NEXMIF: variants seen among roughly 807,000 people sequenced by gnomAD.
NEXMIF encodes neurite extension and migration factor.
Under a neutral mutation model 62.1 loss-of-function variants are expected in NEXMIF, and 8 were observed. That is an observed-to-expected ratio of 0.13 (90% CI 0.08 to 0.23). The LOEUF (loss-of-function observed/expected upper bound fraction) is 0.23. NEXMIF is among the 10% of genes least tolerant of loss of function. The pLI, the probability that NEXMIF is intolerant of heterozygous loss-of-function variation, is 1.00. For missense variants in NEXMIF, 976 were observed against 1,113.3 expected, an observed-to-expected ratio of 0.88 and a Z score of 1.75; for synonymous variants, 404 against 416.6, an observed-to-expected ratio of 0.97 and a Z score of 0.37.
chrX:74,901,812 G>A (rs1279239767), intron 1 of NEXMIF, among the ~76,000 whole-genome samples: 1 of 111,278 alleles, frequency 9.0e-6, no homozygotes, highest in Non-Finnish European at 1.9e-5. Context: ...TAAATGGAGA[G>A]AGCTCCTTTA....
intron 3 of NEXMIF, 146 bp downstream of exon 3, chrX:74,739,954 C>A (rs1026582838): frequency 5.8e-6 from 3 of 514,910 alleles, no homozygotes; most frequent in East Asian, 3.6e-5. Flanking sequence ...TTAAAATTTT[C>A]TTTTTACTTT....
In NEXMIF at chrX:74,925,240, G is replaced by C. The variant is rs777713215; in HGVS notation, c.-405C>G. 1 of 117,978 alleles carries C rather than the reference G, an allele frequency of 8.5e-6. No individual in the cohort carries two copies. Among genetic ancestry groups the C allele is most frequent in the Non-Finnish European group, 1.8e-5 (1 of 56,391 alleles). The allele number at this position is 117,978 out of a possible 1,213,427, so 9.7% of individuals were successfully genotyped here. ...TACACTGTCGCTCGCCCCGGCTGGAGCTACCTAGCGAGCGGGCTGCGCGCT... is the reference window on the plus strand; with the variant it reads ...TACACTGTCGCTCGCCCCGGCTGGACCTACCTAGCGAGCGGGCTGCGCGCT... On this transcript the variant is annotated 5_prime_UTR_variant, in exon 1 of 4. Transcript: ENST00000055682.
chrX:74,867,627 ATATGCTGAAGAT>A (rs770559971), intron 1 of NEXMIF, among the ~76,000 whole-genome samples: 1 of 112,441 alleles, frequency 8.9e-6, no homozygotes, highest in South Asian at 3.7e-4. Flanking sequence ...CATATACAAA[ATATGCTGAAGAT>A]GGACTAAAGA....
chrX:74,875,570 T>C (rs2080627645), intron 1 of NEXMIF, among the ~76,000 whole-genome samples: 2 of 112,075 alleles, frequency 1.8e-5, no homozygotes, highest in African/African-American at 6.5e-5. Context: ...GAAGGAATGG[T>C]ACCAGTTCCT....
intron 1 of NEXMIF, among the ~76,000 whole-genome samples, chrX:74,854,672 A>G (rs957231102): frequency 4.5e-5 from 5 of 112,065 alleles, no homozygotes; most frequent in Non-Finnish European, 9.4e-5. Context: ...TTGTATCTAG[A>G]AAAACCTAAA....
chrX:74,835,807 C>A (rs1440738008), intron 1 of NEXMIF, among the ~76,000 whole-genome samples: 1 of 111,744 alleles, frequency 8.9e-6, no homozygotes. Flanking sequence ...GCTCTACAAC[C>A]AGCAGGTGGC....
intron 1 of NEXMIF, among the ~76,000 whole-genome samples, chrX:74,765,289 T>A (rs1234988012): frequency 8.9e-6 from 1 of 112,155 alleles, no homozygotes; most frequent in Non-Finnish European, 1.9e-5. Flanking sequence ...TAGATTTTCC[T>A]TCATCCCTTT....
intron 1 of NEXMIF, among the ~76,000 whole-genome samples, chrX:74,905,984 A>C (rs183755662): frequency 9.0e-5 from 10 of 111,442 alleles, no homozygotes; most frequent in Admixed American, 5.7e-4. Flanking sequence ...AATAGGAAAA[A>C]AAAGGCTGGG....
intron 1 of NEXMIF, among the ~76,000 whole-genome samples, chrX:74,892,378 C>CCTAAATAAAAAA (rs1344849757): frequency 1.8e-5 from 2 of 111,977 alleles, no homozygotes; most frequent in Non-Finnish European, 3.8e-5. Context: ...TCTAATAAAA[C>CCTAAATAAAAAA]ATCTAAATTT....
intron 1 of NEXMIF, among the ~76,000 whole-genome samples, chrX:74,880,387 TAAGAG>T (rs1384766855): frequency 4.5e-5 from 5 of 111,778 alleles, no homozygotes; most frequent in African/African-American, 6.5e-5. Context: ...GATGATGGCC[TAAGAG>T]AAGAGGGAAG....
chrX:74,764,326 T>C (rs988726169), intron 1 of NEXMIF, among the ~76,000 whole-genome samples: 3 of 111,979 alleles, frequency 2.7e-5, no homozygotes, highest in Non-Finnish European at 3.8e-5. Context: ...GTCCACTTGA[T>C]CATGGTGGAT....
At chrX:74,819,839 A>G (rs2080388748) in intron 1 of NEXMIF, among the ~76,000 whole-genome samples, 1 of 112,217 alleles carries the variant, frequency 8.9e-6, no homozygotes, top group Admixed American at 9.4e-5. Flanking sequence ...ATTACTGGGT[A>G]TATACCCAAA....
intron 1 of NEXMIF, among the ~76,000 whole-genome samples, chrX:74,876,632 C>T (rs1420098722): frequency 4.0e-5 from 4 of 100,838 alleles, no homozygotes; most frequent in Non-Finnish European, 8.0e-5. Context: ...GTCTAAGTCT[C>T]TTTGTAGGTC....
At chrX:74,861,086 T>C (rs2080555771) in intron 1 of NEXMIF, among the ~76,000 whole-genome samples, 1 of 111,674 alleles carries the variant, frequency 9.0e-6, no homozygotes, top group African/African-American at 3.2e-5. Flanking sequence ...GCAAAGATGC[T>C]AAGAACGATG....
intron 1 of NEXMIF, among the ~76,000 whole-genome samples, chrX:74,884,472 C>CA (rs1256649681): frequency 3.6e-5 from 4 of 110,501 alleles, no homozygotes; most frequent in Admixed American, 9.6e-5. Flanking sequence ...AAATGGAAAA[C>CA]AAAAAAAGGC....
At chrX:74,876,324 G>C (rs781211489) in intron 1 of NEXMIF, among the ~76,000 whole-genome samples, 1 of 111,667 alleles carries the variant, frequency 9.0e-6, no homozygotes, top group Non-Finnish European at 1.9e-5. Context: ...TTAATCCTGA[G>C]TTCTAGTTTG....
At chrX:74,800,888 A>G (rs1224702108) in intron 1 of NEXMIF, among the ~76,000 whole-genome samples, 1 of 111,021 alleles carries the variant, frequency 9.0e-6, no homozygotes. Flanking sequence ...GTTTTGAGGA[A>G]TGTATAATGA....
At chrX:74,798,488 G>A (rs1054475684) in intron 1 of NEXMIF, among the ~76,000 whole-genome samples, 2 of 112,226 alleles carry the variant, frequency 1.8e-5, no homozygotes, top group African/African-American at 6.5e-5. Flanking sequence ...TTTTTGCAGA[G>A]ATTGTTTCTT....
At chrX:74,761,597 T>C (rs778282324) in intron 1 of NEXMIF, among the ~76,000 whole-genome samples, 1 of 111,624 alleles carries the variant, frequency 9.0e-6, no homozygotes, top group Admixed American at 9.6e-5. Flanking sequence ...TTGTATTTAT[T>C]TGTATCTTCT....
Sources: gnomAD v4.1 joint callset for allele counts (sites outside exome capture counted in the v4.1 genomes callset) on GRCh38, gnomAD v4.1.1 for gene constraint, MANE v1.5 for transcripts, NCBI Gene and HGNC (gene_info 2026-07-23, HGNC 2026-07-21) for gene names.